Variants in ANO2 observed in about 807,000 individuals in gnomAD.
The protein encoded by ANO2 is anoctamin 2.
Under a neutral mutation model 124.2 loss-of-function variants are expected in ANO2, and 101 were observed. The ratio of observed to expected loss-of-function variants is 0.81; its 90% CI spans 0.69 to 0.96. The LOEUF (loss-of-function observed/expected upper bound fraction) is 0.96, where lower values mean the gene tolerates loss of function less well. Ranked by LOEUF, ANO2 falls within the 40% of genes least tolerant of loss-of-function variation. The pLI, the probability that ANO2 is intolerant of heterozygous loss-of-function variation, is 0.00. For synonymous variants in ANO2, 486 were observed against 482.5 expected (o/e 1.01, Z -0.09); for missense variants, 1,293 against 1,274.5 (o/e 1.01, Z -0.22).
chr12:5,580,113 G>A (rs1285917374), intron 20 of ANO2, among the ~76,000 whole-genome samples: 1 of 152,108 alleles, frequency 6.6e-6, no homozygotes, highest in Non-Finnish European at 1.5e-5. Flanking sequence ...CAATGTAGTA[G>A]GACTCCCCTA....
rs1194726497 is a variant in ANO2, at chr12:5,832,573, C to T, written c.664G>A (p.Ala222Thr). 6.2e-7 allele frequency: 1 copy of T among 1,613,842 alleles called. No individual in the cohort carries two copies. ...TGCAGAGCCGCGCTGAACTTCTTTG[C>T]AATGCTGCCTCCTGCTTTGATCTCG... ...MYEIKAGGSI[A>T]KKFSAALQKL... Residue 222 changes from alanine to threonine, a missense_variant, in exon 5 of 25, where the codon GCA (alanine) becomes ACA (threonine). Coordinates refer to ENST00000682330, the MANE Select transcript of ANO2 (RefSeq NM_001364791.2).
In ANO2 at chr12:5,787,440, G is replaced by C. The variant is rs1388696501; in HGVS notation, c.1055+12067C>G. ...ATCCCAGTGCCTTCCCCCAGCAGTG[G>C]GGCATACACATGGTGGAGAAGCCAG... is the stretch of plus-strand genomic sequence containing the variant. On this transcript the variant is annotated intron_variant, in intron 10 of 24. Coordinates refer to ENST00000682330, the MANE Select transcript of ANO2 (RefSeq NM_001364791.2). The surrounding 1 kb of genome is among the most constrained non-coding windows in gnomAD (Gnocchi z 4.2). Among the ~76,000 whole-genome samples the C allele has an allele frequency of 6.6e-6, 1 of 152,166 alleles. No individual in the cohort carries two copies. The highest frequency in any genetic ancestry group is 1.5e-5 in the Non-Finnish European group (1 of 68,032).
At chr12:5,918,438 C>A (rs1591790950) in intron 3 of ANO2, among the ~76,000 whole-genome samples, 1 of 118,952 alleles carries the variant, frequency 8.4e-6, no homozygotes. Context: ...TAACTTGAAT[C>A]TTTTTTTTTT....
At chr12:5,685,581 T>G (rs1394780726) in intron 14 of ANO2, among the ~76,000 whole-genome samples, 1 of 152,136 alleles carries the variant, frequency 6.6e-6, no homozygotes, top group Non-Finnish European at 1.5e-5. Flanking sequence ...CCCAGGAGTT[T>G]AAGACCAGCC....
chr12:5,750,189 C>A lies in ANO2; in HGVS notation c.1190+647G>T, dbSNP rs558191015. Among the ~76,000 whole-genome samples the A allele has an allele frequency of 2.6e-5, 4 of 152,236 alleles. No homozygotes were observed. In the South Asian group the frequency reaches 8.3e-4, roughly 32 times the overall value. On this transcript the variant is annotated intron_variant, in intron 11 of 24. Coordinates refer to ENST00000682330, the MANE Select transcript of ANO2 (RefSeq NM_001364791.2). ...GGCTCCAACAATACTCCCTCCTTGG[C>A]CTCCCAAAGCACTGGGATTACAGGT...
Position 5,904,514 on chromosome 12 carries a change from C to T in ANO2, c.534+16526G>A, listed in dbSNP as rs573516075. ...ATCACCTCTCCTGATGCCTGTAGCA[C>T]GAATGAGCGGCGCACACACCTGTGG... On this transcript the variant is annotated intron_variant, in intron 3 of 24. Coordinates refer to ENST00000682330, the MANE Select transcript of ANO2 (RefSeq NM_001364791.2). This position sits in a 1 kb window ranked among gnomAD's most constrained non-coding sequence, Gnocchi z 4.1. Among the ~76,000 whole-genome samples, 23 of 152,350 alleles carry T rather than the reference C, an allele frequency of 1.5e-4. No individual in the cohort carries two copies. The highest frequency in any genetic ancestry group is 3.1e-4 in the African/African-American group (13 of 41,576).
intron 6 of ANO2, among the ~76,000 whole-genome samples, chr12:5,829,880 G>A (rs1051017554): frequency 6.6e-6 from 1 of 152,164 alleles, no homozygotes; most frequent in Non-Finnish European, 1.5e-5. Flanking sequence ...GGTCACAAGC[G>A]TTGGCTTTCT....
At chr12:5,921,680 C>T (rs1282116098) in intron 2 of ANO2, among the ~76,000 whole-genome samples, 1 of 152,096 alleles carries the variant, frequency 6.6e-6, no homozygotes, top group African/African-American at 2.4e-5. Context: ...GCACTCCTGC[C>T]TCCACACACA....
At chr12:5,939,229 A>AC (rs1325676043) in intron 1 of ANO2, among the ~76,000 whole-genome samples, 3 of 151,640 alleles carry the variant, frequency 2.0e-5, no homozygotes, top group South Asian at 4.2e-4. Context: ...AAAAAAAAAA[A>AC]AAAAAACTTT....
chr12:5,749,163 A>G (rs868602500), intron 11 of ANO2, among the ~76,000 whole-genome samples: 3 of 152,212 alleles, frequency 2.0e-5, no homozygotes, highest in Admixed American at 6.5e-5. Flanking sequence ...GTTTCTGCCC[A>G]CTGATGCACG....
In ANO2 at chr12:5,713,380, T is replaced by C. The variant is rs552638382; in HGVS notation, c.1545+19140A>G. 2.6e-5 allele frequency among the ~76,000 whole-genome samples: 4 copies of C among 152,344 alleles called. No individual in the cohort carries two copies. The South Asian group carries it at 8.3e-4, about 32-fold the overall frequency. On this transcript the variant is annotated intron_variant, in intron 14 of 24. Coordinates refer to ENST00000682330, the MANE Select transcript of ANO2 (RefSeq NM_001364791.2). ...TTTAACATTATTTTTACTCCACGTATATAGATATGAGATAAACTTTAGTGT... is the reference window on the plus strand; with the variant it reads ...TTTAACATTATTTTTACTCCACGTACATAGATATGAGATAAACTTTAGTGT...
At chr12:5,706,627 A>C (rs1029369293) in intron 14 of ANO2, among the ~76,000 whole-genome samples, 2 of 152,100 alleles carry the variant, frequency 1.3e-5, no homozygotes, top group African/African-American at 4.8e-5. Flanking sequence ...CAGAGTACTT[A>C]TCACATCCTG....
intron 17 of ANO2, 93 bp from the exon 18 acceptor site, chr12:5,613,051 G>T: frequency 7.8e-7 from 1 of 1,277,912 alleles, no homozygotes; most frequent in Non-Finnish European, 1.1e-6. Flanking sequence ...CACCACCACT[G>T]TCCTCTTCGA....
chr12:5,719,952 G>C (rs11832702), intron 14 of ANO2, among the ~76,000 whole-genome samples: 33,594 of 151,958 alleles, frequency 0.22, 3,929 homozygotes, highest in Middle Eastern at 0.27. Context: ...GAATTTTGCA[G>C]TTGAATCACT....
chr12:5,647,308 C>T (rs757346828), intron 15 of ANO2, among the ~76,000 whole-genome samples: 1 of 152,294 alleles, frequency 6.6e-6, no homozygotes, highest in Non-Finnish European at 1.5e-5. Flanking sequence ...TAAGGTAAAG[C>T]GCAAGGAAAT....
chr12:5,628,695 C>CGT (rs1208895066), intron 16 of ANO2, among the ~76,000 whole-genome samples: 36 of 152,010 alleles, frequency 2.4e-4, no homozygotes, highest in Non-Finnish European at 4.1e-4. Flanking sequence ...TGTGCGCGCG[C>CGT]GCACGCGTGC....
chr12:5,850,287 G>A (rs531465728), intron 4 of ANO2, among the ~76,000 whole-genome samples: 399 of 151,852 alleles, frequency 2.6e-3, no homozygotes, highest in African/African-American at 8.0e-3. Context: ...GTGGTGGCGC[G>A]TACTTATAGT....
chr12:5,574,652 C>T (rs1942303647), intron 23 of ANO2, among the ~76,000 whole-genome samples: 2 of 152,144 alleles, frequency 1.3e-5, no homozygotes, highest in Admixed American at 1.3e-4. Context: ...TTAATTCCTC[C>T]CGCCACCCTG....
rs368141631 is a variant in ANO2, at chr12:5,599,560, C to T, written c.2157G>A (p.Ser719=). The T allele has an allele frequency of 1.1e-5, 17 of 1,613,780 alleles. No individual in the cohort carries two copies. The highest frequency in any genetic ancestry group is 1.6e-4 in the Middle Eastern group (1 of 6,084). ...CTAGGTCCCACTGCTCTGGATGTTT[C>T]GAATGGGCAGAGTCAGTTTCTCCAG... ...TEAGETDSAH[S]KHPEQWDLDY... The change falls in exon 20 of 25, where the codon TCG becomes TCA. Residue 719 remains serine (S), a synonymous_variant. Coordinates refer to ENST00000682330, the MANE Select transcript of ANO2 (RefSeq NM_001364791.2).
Sources: gnomAD v4.1 joint callset for allele counts (sites outside exome capture counted in the v4.1 genomes callset) on GRCh38, gnomAD v4.1.1 for gene constraint, Gnocchi (gnomAD v3.1) non-coding constraint, MANE v1.5 for transcripts, NCBI Gene and HGNC (gene_info 2026-07-23, HGNC 2026-07-21) for gene names.